Variants in IL34 observed in about 807,000 individuals in gnomAD.
IL34 encodes interleukin-34.
IL34 carries 17 observed loss-of-function variants against 25.3 expected under a neutral mutation model. That is an observed-to-expected ratio of 0.67 (90% CI 0.46 to 1.01). The LOEUF (loss-of-function observed/expected upper bound fraction) is 1.01, where lower values mean the gene tolerates loss of function less well. Among genes scored for constraint, IL34 ranks in the 50% least tolerant of loss-of-function variants. IL34 has a pLI of 0.00. For synonymous variants in IL34, 174 were observed against 140.9 expected (o/e 1.23, Z -1.66); for missense variants, 368 against 312.9 (o/e 1.18, Z -1.33).
chr16:70,611,452 G>T (rs1467970724), intron 1 of IL34, among the ~76,000 whole-genome samples: 1 of 152,100 alleles, frequency 6.6e-6, no homozygotes, highest in African/African-American at 2.4e-5. Context: ...GCAAAAGCCT[G>T]ACCTCTTTGC....
chr16:70,646,915 G>T lies in IL34; in HGVS notation c.-33G>T. On this transcript the variant is annotated 5_prime_UTR_variant, in exon 1 of 6. Coordinates refer to ENST00000288098, the MANE Select transcript of IL34 (RefSeq NM_001393494.1). ...CTGTGGACACACTGCTGGGGACGGC[G>T]CCTGAGCTCTCAGGGGGACGAGGAA... is the stretch of plus-strand genomic sequence containing the variant. 6.8e-7 allele frequency: 1 copy of T among 1,481,206 alleles called. No individual in the cohort carries two copies. The allele number at this position is 1,481,206 out of a possible 1,614,324, so 91.8% of individuals were successfully genotyped here. A position where few individuals can be genotyped will look rare whatever the true frequency, so the allele number is the denominator to read the frequency against.
intron 1 of IL34, among the ~76,000 whole-genome samples, chr16:70,602,383 GT>G (rs2050931177): frequency 6.6e-6 from 1 of 152,002 alleles, no homozygotes; most frequent in Non-Finnish European, 1.5e-5. Context: ...TAAAATGAGG[GT>G]GAGCCGGGAA....
At chr16:70,626,151 GGCTTTT>G (rs1277149576) in intron 1 of IL34, among the ~76,000 whole-genome samples, 2 of 152,148 alleles carry the variant, frequency 1.3e-5, no homozygotes, top group Non-Finnish European at 2.9e-5. Context: ...TTACATTGTT[GGCTTTT>G]TCTTTTTTAT....
chr16:70,635,449 C>G (rs1456316258), intron 1 of IL34, among the ~76,000 whole-genome samples: 2 of 152,178 alleles, frequency 1.3e-5, no homozygotes, highest in Admixed American at 1.3e-4. Flanking sequence ...TGTCTACTGT[C>G]CCAGTACCAG....
chr16:70,610,654 G>A (rs563914665), intron 1 of IL34, among the ~76,000 whole-genome samples: 15 of 152,228 alleles, frequency 9.9e-5, no homozygotes, highest in African/African-American at 3.6e-4. Flanking sequence ...GACAGGGGTG[G>A]CCTGGTGGCC....
chr16:70,656,066 C>T (rs1330638726), intron 2 of IL34, among the ~76,000 whole-genome samples: 1 of 152,202 alleles, frequency 6.6e-6, no homozygotes, highest in South Asian at 2.1e-4. Flanking sequence ...AACGTGTCCT[C>T]ACTCTTGAGC....
chr16:70,622,389 A>G (rs566645412), intron 1 of IL34, among the ~76,000 whole-genome samples: 16 of 152,098 alleles, frequency 1.1e-4, no homozygotes, highest in South Asian at 6.3e-4. Flanking sequence ...CCTGAGGAGT[A>G]GTAGAACAGC....
chr16:70,616,198 C>A (rs1168545275), intron 1 of IL34, among the ~76,000 whole-genome samples: 1 of 152,150 alleles, frequency 6.6e-6, no homozygotes, highest in Admixed American at 6.5e-5. Context: ...ACTGTATATG[C>A]AGGATAAATT....
chr16:70,635,202 C>G (rs1482476862), intron 1 of IL34, among the ~76,000 whole-genome samples: 2 of 152,170 alleles, frequency 1.3e-5, no homozygotes, highest in Admixed American at 6.5e-5. Context: ...CTTATACTCT[C>G]AAGGGTAACG....
Position 70,659,683 on chromosome 16 carries a change from G to A in IL34, c.468G>A (p.Leu156=). 6.2e-7 allele frequency: 1 copy of A among 1,612,984 alleles called. No homozygotes were observed. The highest frequency in any genetic ancestry group is 8.5e-7 in the Non-Finnish European group (1 of 1,179,592). ...TCTTGAATGCCCCAGGGCCAAACCT[G>A]AAGCTGGTGCGGCCCAAAGCCCTGC... The part of the protein sequence containing the change: ...LSLLNAPGPN[L]KLVRPKALLD... The change falls in exon 5 of 6, where the codon CTG becomes CTA. Residue 156 remains leucine (L), a synonymous_variant. Coordinates refer to ENST00000288098, the MANE Select transcript of IL34 (RefSeq NM_001393494.1).
At chr16:70,629,160 C>A (rs964597664) in intron 1 of IL34, among the ~76,000 whole-genome samples, 1 of 152,146 alleles carries the variant, frequency 6.6e-6, no homozygotes, top group Non-Finnish European at 1.5e-5. Context: ...GAAATAACTT[C>A]ACCTCCTCCT....
intron 1 of IL34, among the ~76,000 whole-genome samples, chr16:70,650,213 T>A (rs2052044954): frequency 6.6e-6 from 1 of 152,110 alleles, no homozygotes; most frequent in African/African-American, 2.4e-5. Context: ...TGGGGGACAG[T>A]GGCCTTGAGG....
intron 1 of IL34, among the ~76,000 whole-genome samples, chr16:70,595,100 G>A (rs1169511678): frequency 4.0e-5 from 6 of 151,496 alleles, no homozygotes; most frequent in Admixed American, 1.3e-4. Context: ...GGTAACAGGC[G>A]CCCGCCACCA....
chr16:70,619,924 G>A (rs1471002019), intron 1 of IL34, among the ~76,000 whole-genome samples: 4 of 152,174 alleles, frequency 2.6e-5, no homozygotes, highest in Middle Eastern at 3.2e-3. Flanking sequence ...TCCAGCACAT[G>A]TAGCAAGCTC....
At chr16:70,590,985 T>G (rs749131564) in intron 1 of IL34, among the ~76,000 whole-genome samples, 28 of 152,208 alleles carry the variant, frequency 1.8e-4, no homozygotes, top group Non-Finnish European at 2.8e-4. Context: ...GGCTGCTCTG[T>G]GCAGTCAGAC....
At chr16:70,589,132 G>A (rs1248351505) in intron 1 of IL34, among the ~76,000 whole-genome samples, 1 of 152,146 alleles carries the variant, frequency 6.6e-6, no homozygotes, top group Non-Finnish European at 1.5e-5. Flanking sequence ...GGGAGGTGGA[G>A]GTTGCAGTGA....
intron 1 of IL34, among the ~76,000 whole-genome samples, chr16:70,603,754 A>AT (rs1309448653): frequency 8.6e-5 from 13 of 150,950 alleles, no homozygotes; most frequent in African/African-American, 2.2e-4. Context: ...TAATTTTTAA[A>AT]TTTTTTCTGT....
intron 1 of IL34, among the ~76,000 whole-genome samples, chr16:70,640,229 C>CG: frequency 6.6e-6 from 1 of 152,102 alleles, no homozygotes; most frequent in African/African-American, 2.4e-5. Context: ...GCAGCCTTGG[C>CG]CTCCTGGGCT....
chr16:70,623,005 G>A (rs1273532024), intron 1 of IL34, among the ~76,000 whole-genome samples: 1 of 152,074 alleles, frequency 6.6e-6, no homozygotes, highest in Non-Finnish European at 1.5e-5. Flanking sequence ...AGGAAGAAAA[G>A]GAGTTGTTTT....
Sources: gnomAD v4.1 joint callset for allele counts (sites outside exome capture counted in the v4.1 genomes callset) on GRCh38, gnomAD v4.1.1 for gene constraint, MANE v1.5 for transcripts, NCBI Gene and HGNC (gene_info 2026-07-23, HGNC 2026-07-21) for gene names.